Variants in SMARCA2 observed in about 807,000 individuals in gnomAD.
The protein encoded by SMARCA2 is SWI/SNF-related matrix-associated actin-dependent regulator of chromatin subfamily A member 2.
SMARCA2 carries 61 observed loss-of-function variants against 199.8 expected under a neutral mutation model. The observed-to-expected ratio is 0.31, with a 90% CI of 0.25 to 0.38. The LOEUF is 0.38. Ranked by LOEUF, SMARCA2 falls within the 10% of genes least tolerant of loss-of-function variation. SMARCA2 has a pLI of 1.00. For synonymous variants in SMARCA2, 935 were observed against 732.0 expected (o/e 1.28, Z -4.48); for missense variants, 1,344 against 2,012.2 (o/e 0.67, Z 6.35).
In SMARCA2 at chr9:2,175,332, A is replaced by G. The variant is rs118062350; in HGVS notation, c.4253+4860A>G. 9.7e-3 allele frequency among the ~76,000 whole-genome samples: 1,418 copies of G among 146,110 alleles called. 4 individuals carry two copies. Among genetic ancestry groups the G allele is most frequent in the Non-Finnish European group, 0.015 (1,006 of 66,670 alleles). ...GCCCCCCCCCAACAATACACACACAAAAACACTCTCTGGATCTTACGTCCT... is the reference window on the plus strand; with the variant it reads ...GCCCCCCCCCAACAATACACACACAGAAACACTCTCTGGATCTTACGTCCT... On this transcript the variant is annotated intron_variant, in intron 29 of 33. Transcript: ENST00000349721.
At chr9:2,155,287 T>C (rs1825292132) in intron 27 of SMARCA2, among the ~76,000 whole-genome samples, 1 of 152,180 alleles carries the variant, frequency 6.6e-6, no homozygotes, top group Admixed American at 6.5e-5. Context: ...CATTTTTCTT[T>C]TTATTTTTTT....
At chr9:2,077,438 C>T (rs1201479983) in intron 13 of SMARCA2, among the ~76,000 whole-genome samples, 191 bp from the exon 14 acceptor site, 4 of 152,184 alleles carry the variant, frequency 2.6e-5, no homozygotes, top group African/African-American at 4.8e-5. Context: ...GGATGATCAT[C>T]ATAACGCCTT....
intron 27 of SMARCA2, chr9:2,159,049 T>C: frequency 6.4e-7 from 1 of 1,567,310 alleles, no homozygotes; most frequent in Non-Finnish European, 8.7e-7. Flanking sequence ...TATTAGCAGT[T>C]GTAATAAAAA....
At chr9:2,082,743 C>G (rs963764190) in intron 15 of SMARCA2, among the ~76,000 whole-genome samples, 8 of 152,196 alleles carry the variant, frequency 5.3e-5, no homozygotes, top group African/African-American at 1.9e-4. Flanking sequence ...AAGAAGGATT[C>G]TATTAATATT....
chr9:2,094,942 T>C (rs181879567), intron 19 of SMARCA2, among the ~76,000 whole-genome samples: 1 of 152,286 alleles, frequency 6.6e-6, no homozygotes, highest in East Asian at 1.9e-4. Flanking sequence ...AGTAGAAGCC[T>C]GGGGTAATCA....
chr9:2,071,127 A>G lies in SMARCA2; in HGVS notation c.1746+656A>G, dbSNP rs76602883. 2.0e-3 allele frequency among the ~76,000 whole-genome samples: 307 copies of G among 152,286 alleles called. 2 individuals carry two copies. Among genetic ancestry groups the G allele is most frequent in the Admixed American group, 5.2e-3 (79 of 15,302 alleles). ...AGGGAGTTTGTTTCAAATTATCTTC[A>G]TTTTGTCTCATAAATTCTGATAAAC... On this transcript the variant is annotated intron_variant, in intron 10 of 33. Coordinates refer to ENST00000349721, the MANE Select transcript of SMARCA2 (RefSeq NM_003070.5).
At chr9:2,182,939 C>T (rs4741648) in intron 31 of SMARCA2, among the ~76,000 whole-genome samples, 102,327 of 151,752 alleles carry the variant, frequency 0.67, 34,704 homozygotes, top group Admixed American at 0.73. Flanking sequence ...TACAGGCATG[C>T]GCCACCACGC....
rs148955460 is a variant in SMARCA2, at chr9:2,171,818, C to T, written c.4253+1346C>T. On this transcript the variant is annotated intron_variant, in intron 29 of 33. Transcript: ENST00000349721. Reference sequence around the variant, plus strand: ...GCCCTGCCCAGGAAACAGGGACAGGCAGGAGCTCCTTTCCCTCTTTGCCCT... The same window carrying T: ...GCCCTGCCCAGGAAACAGGGACAGGTAGGAGCTCCTTTCCCTCTTTGCCCT... Among the ~76,000 whole-genome samples the T allele has an allele frequency of 2.6e-5, 4 of 152,306 alleles. No homozygotes were observed. In the East Asian group the frequency reaches 7.7e-4, roughly 29 times the overall value.
At position 2,084,066 on chromosome 9, in the gene SMARCA2, AT is replaced by A; in HGVS notation, c.2416-13del. The A allele has an allele frequency of 4.3e-6, 6 of 1,387,942 alleles. No individual in the cohort carries two copies. The highest frequency in any genetic ancestry group is 6.1e-6 in the Non-Finnish European group (6 of 975,868). 86.0% of individuals were successfully genotyped at this position (1,387,942 alleles called of 1,614,324 possible). On this transcript the variant is annotated intron_variant, in intron 16 of 33. Coordinates refer to ENST00000349721, the MANE Select transcript of SMARCA2 (RefSeq NM_003070.5). The stretch of plus-strand genomic sequence containing the variant: ...TATATGTCCATAGGATCATGCATGT[AT>A]TTTTTTCTTTCCATTCAGGGTACTC...
intron 9 of SMARCA2, among the ~76,000 whole-genome samples, chr9:2,063,223 C>T (rs1254666342): frequency 6.6e-6 from 1 of 152,172 alleles, no homozygotes; most frequent in Non-Finnish European, 1.5e-5. Flanking sequence ...GGCCCTTAGC[C>T]CTTCCTGGTA....
intron 29 of SMARCA2, among the ~76,000 whole-genome samples, chr9:2,174,289 T>C (rs1826415463): frequency 6.6e-6 from 1 of 152,200 alleles, no homozygotes; most frequent in Admixed American, 6.5e-5. Context: ...CACACTGTTT[T>C]CCAAACCACT....
chr9:2,184,463 C>T (rs138276593), intron 31 of SMARCA2, among the ~76,000 whole-genome samples: 237 of 148,430 alleles, frequency 1.6e-3, no homozygotes, highest in African/African-American at 5.7e-3. Flanking sequence ...AGCAATTCTT[C>T]TGCCTCACCC....
chr9:2,101,271 A>G (rs919132253), intron 21 of SMARCA2, among the ~76,000 whole-genome samples: 3 of 151,996 alleles, frequency 2.0e-5, no homozygotes, highest in Non-Finnish European at 2.9e-5. Context: ...ATCTCCAGAA[A>G]TAACTATTGG....
intron 1 of SMARCA2, among the ~76,000 whole-genome samples, chr9:2,019,708 C>T (rs1427637862): frequency 6.6e-6 from 1 of 151,952 alleles, no homozygotes; most frequent in African/African-American, 2.4e-5. Flanking sequence ...TGTGATGCTC[C>T]TTATATTGTT....
At chr9:2,032,386 T>G (rs548873275) in intron 2 of SMARCA2, 1 of 152,476 alleles carries the variant, frequency 6.6e-6, no homozygotes, top group East Asian at 1.9e-4. Flanking sequence ...TCCTCCTCCC[T>G]CTGTAGTACA....
At position 2,056,866 on chromosome 9, in the gene SMARCA2, G is replaced by A. The variant is rs1456471080; in HGVS notation, c.1347+21G>A. 1 of 1,606,176 alleles carries A rather than the reference G, an allele frequency of 6.2e-7. No individual in the cohort carries two copies. The highest frequency in any genetic ancestry group is 8.5e-7 in the Non-Finnish European group (1 of 1,176,078). On this transcript the variant is annotated intron_variant, in intron 7 of 33. Transcript: ENST00000349721. The surrounding 1 kb of genome is among the most constrained non-coding windows in gnomAD (Gnocchi z 4.0). Reference sequence around the variant, plus strand: ...ACCAGGTTCTTAGACCCTGGGCTTTGCTCACCCTCACTTTGGCAGAGCTGT... The same window carrying A: ...ACCAGGTTCTTAGACCCTGGGCTTTACTCACCCTCACTTTGGCAGAGCTGT...
At chr9:2,042,785 T>C (rs1230126154) in intron 4 of SMARCA2, 1 of 152,126 alleles carries the variant, frequency 6.6e-6, no homozygotes, top group Non-Finnish European at 1.5e-5. Context: ...CGGAGCTTCA[T>C]TAGAAATGAC....
At chr9:2,192,630 G>A (rs1430506687) in intron 33 of SMARCA2, 74 bp from the exon 34 acceptor site, 1 of 1,040,466 alleles carries the variant, frequency 9.6e-7, no homozygotes, top group East Asian at 2.4e-5. Flanking sequence ...CTGGCCTCTT[G>A]ATGGTTTGTT....
chr9:2,088,245 A>C (rs574670059), intron 18 of SMARCA2, among the ~76,000 whole-genome samples: 2 of 152,194 alleles, frequency 1.3e-5, no homozygotes, highest in African/African-American at 4.8e-5. Flanking sequence ...CTACTGATAA[A>C]AAACTGGTGG....
Sources: allele counts gnomAD v4.1 joint callset (sites outside exome capture counted in the v4.1 genomes callset), GRCh38; gene constraint gnomAD v4.1.1; non-coding constraint Gnocchi (gnomAD v3.1); transcripts MANE v1.5; gene names NCBI Gene and HGNC (gene_info 2026-07-23, HGNC 2026-07-21).